Variants in HOMER1 observed in about 807,000 individuals in gnomAD.
The protein encoded by HOMER1 is homer scaffold protein 1, also known as homer protein homolog 1.
HOMER1 carries 3 observed loss-of-function variants against 48.9 expected under a neutral mutation model. That is an observed-to-expected ratio of 0.06 (90% CI 0.03 to 0.16). The LOEUF is 0.16. Among genes scored for constraint, HOMER1 ranks in the 10% least tolerant of loss-of-function variants. HOMER1 has a pLI of 1.00. For missense variants in HOMER1, 247 were observed against 411.4 expected (o/e 0.60, Z 3.46); for synonymous variants, 134 against 146.4 (o/e 0.92, Z 0.61).
Position 79,405,559 on chromosome 5 carries a change from A to AT in HOMER1, c.528-3505dup, listed in dbSNP as rs1170851216. On this transcript the variant is annotated intron_variant, in intron 5 of 8. Coordinates refer to ENST00000334082, the MANE Select transcript of HOMER1 (RefSeq NM_004272.5). ...ATTTTTTTCTATGAATTTTTGTCCA[A>AT]TTTTTTCTATATTCAGAATCTATCA... Among the ~76,000 whole-genome samples, 13 of 151,928 alleles carry AT rather than the reference A, an allele frequency of 8.6e-5. No homozygotes were observed. In the East Asian group the frequency reaches 2.1e-3, roughly 25 times the overall value.
intron 1 of HOMER1, among the ~76,000 whole-genome samples, chr5:79,482,985 A>G (rs1751990072): frequency 6.6e-6 from 1 of 152,192 alleles, no homozygotes; most frequent in African/African-American, 2.4e-5. Flanking sequence ...CCTCGACAAC[A>G]GGTCAAGAGC....
intron 5 of HOMER1, among the ~76,000 whole-genome samples, chr5:79,437,563 C>A (rs1010357187): frequency 3.3e-5 from 5 of 152,188 alleles, no homozygotes; most frequent in African/African-American, 1.2e-4. Context: ...TATAACTCCA[C>A]AATATATCTA....
intron 8 of HOMER1, among the ~76,000 whole-genome samples, chr5:79,388,094 A>T (rs1380868234): frequency 1.3e-5 from 2 of 152,182 alleles, no homozygotes; most frequent in East Asian, 3.9e-4. Flanking sequence ...AACCACTACC[A>T]GTGTGAATGC....
intron 5 of HOMER1, among the ~76,000 whole-genome samples, chr5:79,421,787 T>G (rs750472806): frequency 2.0e-5 from 3 of 151,980 alleles, no homozygotes; most frequent in Non-Finnish European, 4.4e-5. Flanking sequence ...TTGTATTTTT[T>G]AGTAGACACG....
intron 1 of HOMER1, among the ~76,000 whole-genome samples, chr5:79,476,241 GA>G (rs1050921982): frequency 6.6e-6 from 1 of 151,852 alleles, no homozygotes; most frequent in Non-Finnish European, 1.5e-5. Context: ...ATTCTGAGTG[GA>G]AAAAAAACGA....
At chr5:79,449,701 CTGGCCTCAAATGATCTGCCCTCCT>C (rs1750980362) in intron 3 of HOMER1, among the ~76,000 whole-genome samples, 1 of 152,162 alleles carries the variant, frequency 6.6e-6, no homozygotes, top group South Asian at 2.1e-4. Context: ...TCTTGAACTC[CTGGCCTCAAATGATCTGCCCTCCT>C]TGGCCTCTCA....
intron 1 of HOMER1, among the ~76,000 whole-genome samples, chr5:79,467,391 C>CAAAAAAA (rs71767032): frequency 1.5e-4 from 8 of 51,624 alleles, no homozygotes; most frequent in East Asian, 5.4e-4. Flanking sequence ...AACTCCATCT[C>CAAAAAAA]AAAAAAAAAA....
At position 79,495,409 on chromosome 5, in the gene HOMER1, T is replaced by C. The variant is rs112770358; in HGVS notation, c.5+17361A>G. On this transcript the variant is annotated intron_variant, in intron 1 of 8. Coordinates refer to ENST00000334082, the MANE Select transcript of HOMER1 (RefSeq NM_004272.5). ...CTCAAAACAAACATGACTGGCTATG[T>C]GAAGCTTTCTCTGACCTTCCAAGGT... Among the ~76,000 whole-genome samples, 265 of 152,340 alleles carry C rather than the reference T, an allele frequency of 1.7e-3. 2 individuals carry two copies. The highest frequency in any genetic ancestry group is 6.0e-3 in the African/African-American group (251 of 41,584).
rs1354522692 is a variant in HOMER1, at chr5:79,376,217, A to G, written c.877-20T>C. ...TACTTCCTTCAGAAACAAAAGTGTA[A>G]CATGTATATATGTCAATTCATCACT... On this transcript the variant is annotated intron_variant, in intron 8 of 8. Transcript: ENST00000334082. 10 of 1,572,302 alleles carry G rather than the reference A, an allele frequency of 6.4e-6. No homozygotes were observed. Among genetic ancestry groups the G allele is most frequent in the African/African-American group, 4.1e-5 (3 of 73,824 alleles).
chr5:79,411,785 C>T (rs1749820191), intron 5 of HOMER1, among the ~76,000 whole-genome samples: 1 of 152,032 alleles, frequency 6.6e-6, no homozygotes, highest in Non-Finnish European at 1.5e-5. Flanking sequence ...TTATGTAGAA[C>T]TGAGAAAAAT....
chr5:79,389,514 C>A (rs918874580), intron 8 of HOMER1, among the ~76,000 whole-genome samples: 2 of 152,190 alleles, frequency 1.3e-5, no homozygotes, highest in Non-Finnish European at 2.9e-5. Context: ...GTCATGAGGG[C>A]TCCTCTCCTC....
At chr5:79,380,259 C>T (rs1353473083) in intron 8 of HOMER1, among the ~76,000 whole-genome samples, 1 of 152,166 alleles carries the variant, frequency 6.6e-6, no homozygotes, top group African/African-American at 2.4e-5. Context: ...GACTGTGTGA[C>T]AGCACTGCTC....
At chr5:79,449,909 G>A (rs1484448905) in intron 3 of HOMER1, among the ~76,000 whole-genome samples, 1 of 152,068 alleles carries the variant, frequency 6.6e-6, no homozygotes, top group Non-Finnish European at 1.5e-5. Context: ...ACAGTGTTAA[G>A]AAATGTTTAT....
intron 5 of HOMER1, among the ~76,000 whole-genome samples, chr5:79,427,545 C>T (rs1447313518): frequency 6.6e-6 from 1 of 152,134 alleles, no homozygotes; most frequent in African/African-American, 2.4e-5. Flanking sequence ...TGCACTACCA[C>T]ACTCAGATAA....
At chr5:79,385,926 T>C (rs758345251) in intron 8 of HOMER1, among the ~76,000 whole-genome samples, 2 of 150,320 alleles carry the variant, frequency 1.3e-5, no homozygotes, top group African/African-American at 2.4e-5. Flanking sequence ...AACATCAGAA[T>C]TGAATGGATA....
At chr5:79,457,810 T>A (rs1438801328) in intron 1 of HOMER1, among the ~76,000 whole-genome samples, 1 of 152,216 alleles carries the variant, frequency 6.6e-6, no homozygotes, top group Non-Finnish European at 1.5e-5. Flanking sequence ...TTAGTGTTGC[T>A]GGCACCTTCA....
chr5:79,402,163 C>CT, intron 5 of HOMER1, 108 bp from the exon 6 acceptor site: 5 of 852,908 alleles, frequency 5.9e-6, no homozygotes, highest in Admixed American at 3.3e-5. Flanking sequence ...AGAATGTTTT[C>CT]TTTTCTTTTT....
At chr5:79,429,451 T>C (rs1221495007) in intron 5 of HOMER1, among the ~76,000 whole-genome samples, 3 of 152,168 alleles carry the variant, frequency 2.0e-5, no homozygotes, top group Non-Finnish European at 4.4e-5. Context: ...TAAACCCTCA[T>C]ATTTACCATC....
chr5:79,378,419 T>C (rs756166676), intron 8 of HOMER1, among the ~76,000 whole-genome samples: 1 of 151,584 alleles, frequency 6.6e-6, no homozygotes, highest in Non-Finnish European at 1.5e-5. Context: ...CTCAAACTAT[T>C]GACTGTTAGA....
Sources: allele counts gnomAD v4.1 joint callset (sites outside exome capture counted in the v4.1 genomes callset), GRCh38; gene constraint gnomAD v4.1.1; transcripts MANE v1.5; gene names NCBI Gene and HGNC (gene_info 2026-07-23, HGNC 2026-07-21).